SLC4A4: variants seen among roughly 807,000 people sequenced by gnomAD.
SLC4A4 encodes the protein electrogenic sodium bicarbonate cotransporter 1.
In SLC4A4, 27 loss-of-function variants were observed where a neutral mutation model predicts 111.5. The observed-to-expected ratio is 0.24, with a 90% confidence interval of 0.18 to 0.33. The LOEUF (loss-of-function observed/expected upper bound fraction) is 0.33. SLC4A4 is among the 10% of genes least tolerant of loss of function. The pLI is 1.00. For missense variants in SLC4A4, 909 were observed against 1,315.5 expected (o/e 0.69, Z 4.78); for synonymous variants, 443 against 463.4 (o/e 0.96, Z 0.57).
At chr4:71,397,452 C>G in intron 6 of SLC4A4, 125 bp from the exon 7 acceptor site, 2 of 853,944 alleles carry the variant, frequency 2.3e-6, no homozygotes, top group Admixed American at 3.7e-5. Flanking sequence ...CAGAAGAATC[C>G]TAGTGTGGTT....
intron 2 of SLC4A4, among the ~76,000 whole-genome samples, chr4:71,178,684 AACAGG>A (rs1578555721): frequency 6.6e-6 from 1 of 152,346 alleles, no homozygotes. Context: ...ATAGACCAAT[AACAGG>A]CTCTGAAATT....
chr4:71,465,041 A>G (rs1727184880), intron 12 of SLC4A4, among the ~76,000 whole-genome samples: 1 of 152,126 alleles, frequency 6.6e-6, no homozygotes, highest in African/African-American at 2.4e-5. Flanking sequence ...ACAGATGGAT[A>G]GGTTAACTCG....
chr4:71,145,957 C>A (rs1474826953), intron 2 of SLC4A4, among the ~76,000 whole-genome samples: 1 of 152,086 alleles, frequency 6.6e-6, no homozygotes, highest in East Asian at 1.9e-4. Flanking sequence ...TTCAGTTCTG[C>A]TCTGATCTTA....
chr4:71,516,221 G>A (rs746835541), intron 16 of SLC4A4, among the ~76,000 whole-genome samples: 4 of 148,270 alleles, frequency 2.7e-5, no homozygotes, highest in Non-Finnish European at 4.5e-5. Flanking sequence ...TCAGCCTCTC[G>A]AGTAGCTGGG....
chr4:71,267,870 T>C (rs1166309993), intron 3 of SLC4A4, among the ~76,000 whole-genome samples: 1 of 148,318 alleles, frequency 6.7e-6, no homozygotes, highest in Non-Finnish European at 1.5e-5. Context: ...TTAAATGCCA[T>C]GATAAAAGCA....
At chr4:71,456,492 T>C (rs1308412481) in intron 12 of SLC4A4, among the ~76,000 whole-genome samples, 2 of 152,154 alleles carry the variant, frequency 1.3e-5, no homozygotes, top group Non-Finnish European at 2.9e-5. Context: ...GTATGTACTT[T>C]ACCGCACAAA....
At chr4:71,490,371 T>C (rs1461499672) in intron 15 of SLC4A4, among the ~76,000 whole-genome samples, 1 of 151,854 alleles carries the variant, frequency 6.6e-6, no homozygotes, top group Non-Finnish European at 1.5e-5. Flanking sequence ...AAATACACAG[T>C]TCTGAAGTAT....
chr4:71,555,174 T>G lies in SLC4A4; in HGVS notation c.2729T>G (p.Leu910Arg). 1 of 1,610,496 alleles carries G rather than the reference T, an allele frequency of 6.2e-7. No homozygotes were observed. Among genetic ancestry groups the G allele is most frequent in the Non-Finnish European group, 8.5e-7 (1 of 1,177,238 alleles). ...ATGCCTGTACTCTATGGTGTGTTCC[T>G]GTATATGGGAGTAGCATCCCTTAAT... Reference protein sequence around the residue: ...IPMPVLYGVFLYMGVASLNGV... With the variant: ...IPMPVLYGVFRYMGVASLNGV... The change falls in exon 21 of 26, where the codon CTG becomes CGG. Residue 910 changes from leucine (L) to arginine (R), a missense_variant. Leu to Arg is a moderately radical substitution (Grantham distance 102). Around this residue, in one of 7 missense-constraint regions of SLC4A4, gnomAD observed 104 missense variants for 219.5 expected, o/e 0.47. Coordinates refer to ENST00000264485, the MANE Select transcript of SLC4A4 (RefSeq NM_001098484.3).
intron 13 of SLC4A4, among the ~76,000 whole-genome samples, chr4:71,470,820 C>T (rs1192181251): frequency 6.6e-6 from 1 of 151,974 alleles, no homozygotes; most frequent in Non-Finnish European, 1.5e-5. Flanking sequence ...TGTGGAAGTT[C>T]AAAGGCAGTC....
At chr4:71,312,896 C>T (rs1726324544) in intron 3 of SLC4A4, among the ~76,000 whole-genome samples, 1 of 152,134 alleles carries the variant, frequency 6.6e-6, no homozygotes, top group Non-Finnish European at 1.5e-5. Flanking sequence ...CACTCCTATT[C>T]AACATAGTAT....
intron 7 of SLC4A4, among the ~76,000 whole-genome samples, chr4:71,413,798 T>G (rs1721604181): frequency 6.6e-6 from 1 of 152,142 alleles, no homozygotes; most frequent in Non-Finnish European, 1.5e-5. Context: ...TAAAATTCTG[T>G]GATTCAGATC....
chr4:71,109,720 T>G (rs752603401), intron 2 of SLC4A4, among the ~76,000 whole-genome samples: 5 of 151,898 alleles, frequency 3.3e-5, no homozygotes, highest in South Asian at 4.2e-4. Flanking sequence ...GTTTTGTATT[T>G]TTAATAGAGA....
At chr4:71,390,958 G>A (rs1488740422) in intron 6 of SLC4A4, among the ~76,000 whole-genome samples, 1 of 152,070 alleles carries the variant, frequency 6.6e-6, no homozygotes, top group Non-Finnish European at 1.5e-5. Context: ...GATAATGTGA[G>A]TTCAGGTACC....
intron 3 of SLC4A4, 134 bp downstream of exon 3, chr4:71,255,533 T>C: frequency 2.0e-6 from 2 of 987,242 alleles, no homozygotes; most frequent in Non-Finnish European, 3.2e-6. Context: ...TTCTAAAGGA[T>C]AATGTCTGTG....
chr4:71,402,572 C>T (rs1720463965), intron 7 of SLC4A4, among the ~76,000 whole-genome samples: 1 of 152,186 alleles, frequency 6.6e-6, no homozygotes, highest in Admixed American at 6.6e-5. Context: ...TTGTCTTTAG[C>T]ATGTTTTCAG....
intron 6 of SLC4A4, among the ~76,000 whole-genome samples, chr4:71,367,350 A>G (rs1347353114): frequency 1.3e-5 from 2 of 152,334 alleles, no homozygotes; most frequent in South Asian, 2.1e-4. Context: ...GCTAAAGGAC[A>G]TGTCTTCTTT....
intron 1 of SLC4A4, among the ~76,000 whole-genome samples, chr4:71,208,207 G>T (rs929245629): frequency 1.3e-5 from 2 of 152,082 alleles, no homozygotes; most frequent in African/African-American, 4.8e-5. Flanking sequence ...GAGGCAGGCG[G>T]ATCACGAGGT....
At chr4:71,346,388 T>C (rs762180415) in intron 4 of SLC4A4, among the ~76,000 whole-genome samples, 17 of 152,082 alleles carry the variant, frequency 1.1e-4, no homozygotes, top group Admixed American at 3.9e-4. Context: ...GGGAAACTTA[T>C]TGCAAATATG....
At chr4:71,357,281 A>T in intron 6 of SLC4A4, 94 bp downstream of exon 6, 1 of 1,329,402 alleles carries the variant, frequency 7.5e-7, no homozygotes, top group Non-Finnish European at 1.1e-6. Context: ...CCTTCTCCAT[A>T]TTTTTTCTTT....
Sources: allele counts gnomAD v4.1 joint callset (sites outside exome capture counted in the v4.1 genomes callset), GRCh38; gene constraint gnomAD v4.1.1; regional missense constraint gnomAD v4.1.1; transcripts MANE v1.5; gene names NCBI Gene and HGNC (gene_info 2026-07-23, HGNC 2026-07-21).